GABRA2: variants seen among roughly 807,000 people sequenced by gnomAD.
GABRA2 encodes the protein gamma-aminobutyric acid type A receptor subunit alpha2.
In GABRA2, 16 loss-of-function variants were observed where a neutral mutation model predicts 48.7. That is an observed-to-expected ratio of 0.33 (90% confidence interval 0.22 to 0.50). The LOEUF (loss-of-function observed/expected upper bound fraction) is 0.50, where lower values mean the gene tolerates loss of function less well. Ranked by LOEUF, GABRA2 falls within the 20% of genes least tolerant of loss-of-function variation. The probability of loss-of-function intolerance (pLI) is 0.98; values close to 1 mark genes in which losing one functional copy is unlikely to be tolerated. For missense variants in GABRA2, 275 were observed against 535.6 expected (o/e 0.51, Z 4.80); for synonymous variants, 185 against 184.5 (o/e 1.00, Z -0.02).
At chr4:46,362,513 C>CA (rs1227178663) in intron 3 of GABRA2, among the ~76,000 whole-genome samples, 10 of 151,876 alleles carry the variant, frequency 6.6e-5, no homozygotes, top group South Asian at 6.2e-4. Flanking sequence ...TCAATCAAGT[C>CA]AAAAAAAGAA....
intron 3 of GABRA2, among the ~76,000 whole-genome samples, chr4:46,350,970 G>A (rs1735026062): frequency 2.0e-5 from 3 of 151,844 alleles, no homozygotes; most frequent in African/African-American, 7.3e-5. Context: ...AAGCTGGGGA[G>A]CCAGAGAAGC....
intron 3 of GABRA2, among the ~76,000 whole-genome samples, chr4:46,377,355 G>A (rs566359988): frequency 3.1e-4 from 46 of 148,748 alleles, no homozygotes; most frequent in African/African-American, 1.0e-3. Context: ...GCCGCCCATC[G>A]TCTGAGATGT....
At chr4:46,385,801 T>C (rs943026657) in intron 3 of GABRA2, among the ~76,000 whole-genome samples, 2 of 152,080 alleles carry the variant, frequency 1.3e-5, no homozygotes, top group Admixed American at 6.6e-5. Context: ...TTTAACATAC[T>C]CTAAGTGTGA....
At chr4:46,252,197 T>C (rs1714909015) in intron 9 of GABRA2, among the ~76,000 whole-genome samples, 1 of 151,406 alleles carries the variant, frequency 6.6e-6, no homozygotes, top group Admixed American at 6.6e-5. Context: ...CTCTCCTTTT[T>C]CCCCTGCTGA....
At chr4:46,310,862 G>A (rs1228631854) in intron 5 of GABRA2, among the ~76,000 whole-genome samples, 1 of 151,982 alleles carries the variant, frequency 6.6e-6, no homozygotes, top group East Asian at 1.9e-4. Flanking sequence ...ATATTTTTCT[G>A]TATCTACATG....
chr4:46,387,226 G>A (rs1200754258), intron 2 of GABRA2, among the ~76,000 whole-genome samples: 1 of 152,130 alleles, frequency 6.6e-6, no homozygotes, highest in Non-Finnish European at 1.5e-5. Flanking sequence ...CTAGTTGAGA[G>A]AAGTATGGTT....
At chr4:46,357,025 G>A (rs1736101454) in intron 3 of GABRA2, among the ~76,000 whole-genome samples, 1 of 150,780 alleles carries the variant, frequency 6.6e-6, no homozygotes, top group Admixed American at 6.6e-5. Flanking sequence ...TTGTTTGTTT[G>A]TTTTTTGCTT....
intron 3 of GABRA2, among the ~76,000 whole-genome samples, chr4:46,356,145 A>G (rs770488186): frequency 4.6e-5 from 7 of 152,168 alleles, no homozygotes; most frequent in Non-Finnish European, 7.4e-5. Context: ...TAAAATAAAT[A>G]TCTTCAACCA....
rs1713202932 is a variant in GABRA2, at chr4:46,243,816, G to C, written c.*6492C>G. 1 of 151,468 alleles carries C rather than the reference G, an allele frequency of 6.6e-6. No individual in the cohort carries two copies. The highest frequency in any genetic ancestry group is 1.5e-5 in the Non-Finnish European group (1 of 67,640). 9.4% of individuals were successfully genotyped at this position (151,468 alleles called of 1,614,324 possible). On this transcript the variant is annotated 3_prime_UTR_variant, in exon 10 of 10. Coordinates refer to ENST00000381620, the MANE Select transcript of GABRA2 (RefSeq NM_000807.4). The stretch of plus-strand genomic sequence containing the variant: ...GTGACTATCAAAGTTTAGTGTTGAA[G>C]GTTCCTCACATTCTCTCTGCATGTG...
chr4:46,253,159 T>G (rs3113346), intron 9 of GABRA2, among the ~76,000 whole-genome samples: 75,757 of 146,940 alleles, frequency 0.52, 20,263 homozygotes, highest in South Asian at 0.78. Context: ...CAAAGAAACA[T>G]AAAATGTAAA....
At chr4:46,264,764 T>TA (rs1231943209) in intron 8 of GABRA2, among the ~76,000 whole-genome samples, 1 of 151,890 alleles carries the variant, frequency 6.6e-6, no homozygotes, top group Non-Finnish European at 1.5e-5. Context: ...AGATTGTTGT[T>TA]AATTCTTTGT....
intron 3 of GABRA2, among the ~76,000 whole-genome samples, chr4:46,343,565 A>T (rs1466423014): frequency 2.6e-5 from 4 of 152,004 alleles, no homozygotes; most frequent in Non-Finnish European, 5.9e-5. Flanking sequence ...AAATGAAAAA[A>T]AGTACAGAAA....
At chr4:46,265,450 A>G (rs904809441) in intron 8 of GABRA2, among the ~76,000 whole-genome samples, 3 of 133,082 alleles carry the variant, frequency 2.3e-5, no homozygotes, top group Admixed American at 7.9e-5. Flanking sequence ...TATATTGTGT[A>G]TATATATAAT....
At chr4:46,388,110 G>T (rs1457820859) in intron 2 of GABRA2, among the ~76,000 whole-genome samples, 1 of 151,856 alleles carries the variant, frequency 6.6e-6, no homozygotes, top group East Asian at 1.9e-4. Context: ...AATAAATCTA[G>T]CTTTTGTTTC....
chr4:46,363,665 T>C (rs1713579375), intron 3 of GABRA2: 1 of 152,178 alleles, frequency 6.6e-6, no homozygotes, highest in South Asian at 2.1e-4. Context: ...ATTTTGAGAA[T>C]GTTTAGTAAG....
chr4:46,246,625 A>G lies in GABRA2; in HGVS notation c.*3683T>C, dbSNP rs146128299. Among the ~76,000 whole-genome samples the G allele has an allele frequency of 6.6e-6, 1 of 151,360 alleles. No individual in the cohort carries two copies. The highest frequency in any genetic ancestry group is 1.5e-5 in the Non-Finnish European group (1 of 67,436). Reference sequence around the variant, plus strand: ...TCCCCTTAAAATTCTGAATGTTTTCATATGATAAAAAATTTGGTCATTGCT... The same window carrying G: ...TCCCCTTAAAATTCTGAATGTTTTCGTATGATAAAAAATTTGGTCATTGCT... On this transcript the variant is annotated 3_prime_UTR_variant, in exon 10 of 10. Coordinates refer to ENST00000381620, the MANE Select transcript of GABRA2 (RefSeq NM_000807.4).
chr4:46,318,596 A>G (rs1728933089), intron 4 of GABRA2, among the ~76,000 whole-genome samples: 1 of 151,670 alleles, frequency 6.6e-6, no homozygotes, highest in Admixed American at 6.6e-5. Flanking sequence ...ATACTAACAG[A>G]GTTATTACCT....
chr4:46,274,012 G>C (rs150121515), intron 8 of GABRA2, among the ~76,000 whole-genome samples: 1 of 151,546 alleles, frequency 6.6e-6, no homozygotes, highest in Admixed American at 6.6e-5. Context: ...AGCTATAAGC[G>C]GGGGGGCAGA....
At chr4:46,260,043 CA>C (rs1216790152) in intron 9 of GABRA2, among the ~76,000 whole-genome samples, 1 of 151,080 alleles carries the variant, frequency 6.6e-6, no homozygotes, top group African/African-American at 2.4e-5. Flanking sequence ...TTTTTTTTTA[CA>C]AAACTTTCCA....
Sources: gnomAD v4.1 joint callset for allele counts (sites outside exome capture counted in the v4.1 genomes callset) on GRCh38, gnomAD v4.1.1 for gene constraint, MANE v1.5 for transcripts, NCBI Gene and HGNC (gene_info 2026-07-23, HGNC 2026-07-21) for gene names.